DAW1: variants seen among roughly 807,000 people sequenced by gnomAD.
DAW1 encodes the protein dynein assembly factor with WD repeats 1, also known as dynein assembly factor with WD repeat domains 1.
DAW1 carries 47 observed loss-of-function variants against 56.5 expected under a neutral mutation model. The ratio of observed to expected loss-of-function variants is 0.83; its 90% CI spans 0.66 to 1.06. The LOEUF (loss-of-function observed/expected upper bound fraction) is 1.06, where lower values mean the gene tolerates loss of function less well. DAW1 is among the 50% of genes least tolerant of loss of function. The probability of loss-of-function intolerance (pLI) is 0.00; values close to 1 mark genes in which losing one functional copy is unlikely to be tolerated. For synonymous variants in DAW1, 190 were observed against 179.0 expected, an observed-to-expected ratio of 1.06 and a Z score of -0.49; for missense variants, 505 against 499.3, an observed-to-expected ratio of 1.01 and a Z score of -0.11.
intron 12 of DAW1, among the ~76,000 whole-genome samples, chr2:227,922,501 C>T (rs148057745): frequency 2.0e-5 from 3 of 152,182 alleles, no homozygotes; most frequent in African/African-American, 4.8e-5. Context: ...AGTAGGGCAC[C>T]CTAAGTGAGC....
chr2:227,906,428 A>G (rs889710307), intron 9 of DAW1, 90 bp downstream of exon 9: 8 of 870,792 alleles, frequency 9.2e-6, no homozygotes, highest in Non-Finnish European at 1.3e-5. Context: ...CAGATTTCAA[A>G]GATGATATAA....
At chr2:227,904,798 C>A (rs1211794907) in intron 7 of DAW1, 131 bp from the exon 8 acceptor site, 2 of 751,688 alleles carry the variant, frequency 2.7e-6, no homozygotes, top group African/African-American at 1.8e-5. Context: ...CCATCCTCAC[C>A]CCAGCCAACC....
At chr2:227,911,755 A>G (rs1168931570) in intron 10 of DAW1, among the ~76,000 whole-genome samples, 1 of 152,142 alleles carries the variant, frequency 6.6e-6, no homozygotes, top group Non-Finnish European at 1.5e-5. Context: ...CTTGATAACC[A>G]CATGTACTTT....
chr2:227,880,274 A>G (rs1434708395), intron 1 of DAW1, among the ~76,000 whole-genome samples: 1 of 152,070 alleles, frequency 6.6e-6, no homozygotes, highest in Non-Finnish European at 1.5e-5. Context: ...TTTTGTAAGC[A>G]CCTTAAATCT....
rs1024181711 is a variant in DAW1, at chr2:227,905,090, CCT to C, written c.755+58_755+59del. The C allele has an allele frequency of 4.7e-6, 7 of 1,485,768 alleles. No homozygotes were observed. The Admixed American group carries it at 9.8e-5, about 21-fold the overall frequency. The allele number at this position is 1,485,768 out of a possible 1,614,324, so 92.0% of individuals were successfully genotyped here. ...ACCTGGATCAGGGGGTTCAGAAAAC[CCT>C]CTGTTATTTTTTAGTTTAAGCTACT... is the stretch of plus-strand genomic sequence containing the variant. On this transcript the variant is annotated intron_variant, in intron 8 of 12. Transcript: ENST00000309931.
At chr2:227,908,581 A>G (rs11685422) in intron 10 of DAW1, among the ~76,000 whole-genome samples, 1 of 152,056 alleles carries the variant, frequency 6.6e-6, no homozygotes, top group Non-Finnish European at 1.5e-5. Context: ...TTGTGTCTGC[A>G]CTATTTCCCT....
At chr2:227,907,749 T>C (rs1011093321) in intron 10 of DAW1, among the ~76,000 whole-genome samples, 6 of 152,186 alleles carry the variant, frequency 3.9e-5, no homozygotes, top group Admixed American at 2.6e-4. Context: ...GGTTTCTCCA[T>C]GTTGGCCAGG....
At chr2:227,884,645 T>C (rs1373007269) in intron 1 of DAW1, among the ~76,000 whole-genome samples, 3 of 152,188 alleles carry the variant, frequency 2.0e-5, no homozygotes, top group Non-Finnish European at 4.4e-5. Flanking sequence ...CTGCTGTCAC[T>C]GAGTGGCCTT....
intron 2 of DAW1, 26 bp from the exon 3 acceptor site, chr2:227,889,830 G>T (rs776691817): frequency 9.8e-6 from 15 of 1,531,664 alleles, no homozygotes; most frequent in Non-Finnish European, 1.7e-6. Flanking sequence ...TAAAATAAAA[G>T]AAACTCTTTT....
At chr2:227,918,571 G>T (rs1166904930) in intron 10 of DAW1, among the ~76,000 whole-genome samples, 1 of 152,094 alleles carries the variant, frequency 6.6e-6, no homozygotes, top group Non-Finnish European at 1.5e-5. Flanking sequence ...TAAGCTCAGG[G>T]CTAAAGAGGA....
At chr2:227,892,481 A>G (rs973089147) in intron 4 of DAW1, among the ~76,000 whole-genome samples, 65 of 152,244 alleles carry the variant, frequency 4.3e-4, no homozygotes, top group African/African-American at 1.5e-3. Context: ...ATTTCCAAAT[A>G]CATTCACATT....
intron 1 of DAW1, among the ~76,000 whole-genome samples, chr2:227,883,585 C>T (rs1292755467): frequency 3.3e-5 from 5 of 152,136 alleles, no homozygotes; most frequent in Admixed American, 3.3e-4. Context: ...AAAAAATGTT[C>T]ACAATGATAT....
At position 227,923,979 on chromosome 2, in the gene DAW1, C is replaced by T. The variant is rs369722685; in HGVS notation, c.*11C>T. 3.1e-6 allele frequency: 5 copies of T among 1,613,910 alleles called. No individual in the cohort carries two copies. The highest frequency in any genetic ancestry group is 4.2e-6 in the Non-Finnish European group (5 of 1,179,942). ...AGGATATGGCGTTGACTGAAGGAAGCTGGTCAGTGAGCAACCTTGCTAGCA... is the reference window on the plus strand; with the variant it reads ...AGGATATGGCGTTGACTGAAGGAAGTTGGTCAGTGAGCAACCTTGCTAGCA... On this transcript the variant is annotated 3_prime_UTR_variant, in exon 13 of 13. Transcript: ENST00000309931.
intron 10 of DAW1, chr2:227,912,616 T>C (rs1691856327): frequency 6.1e-6 from 7 of 1,147,118 alleles, no homozygotes; most frequent in Non-Finnish European, 7.7e-6. Context: ...TCTGCTTCAT[T>C]TGTATTCTTC....
intron 7 of DAW1, among the ~76,000 whole-genome samples, chr2:227,904,122 C>A (rs139723299): frequency 6.6e-6 from 1 of 152,210 alleles, no homozygotes; most frequent in Admixed American, 6.5e-5. Flanking sequence ...AGGGGTCCTG[C>A]TTGGCACACC....
chr2:227,922,681 C>A (rs143776944), intron 12 of DAW1, among the ~76,000 whole-genome samples: 2 of 152,202 alleles, frequency 1.3e-5, no homozygotes, highest in South Asian at 4.1e-4. Context: ...ATTATCTCCC[C>A]TTACCACCTA....
chr2:227,893,939 T>C (rs1278528607), intron 5 of DAW1, 22 bp downstream of exon 5: 1 of 1,543,670 alleles, frequency 6.5e-7, no homozygotes, highest in African/African-American at 1.4e-5. Context: ...CCTTCACTTA[T>C]TTGTTTATTA....
chr2:227,908,478 TTTTATGATAC>T (rs1691738372), intron 10 of DAW1, among the ~76,000 whole-genome samples: 1 of 152,180 alleles, frequency 6.6e-6, no homozygotes, highest in African/African-American at 2.4e-5. Context: ...CTGGATAACA[TTTTATGATAC>T]TGAACAACAA....
chr2:227,910,877 A>C (rs1691798336), intron 10 of DAW1, among the ~76,000 whole-genome samples: 2 of 152,030 alleles, frequency 1.3e-5, no homozygotes, highest in Admixed American at 6.6e-5. Context: ...ATCTGTGTCG[A>C]ATCCATGGTA....
Sources: allele counts gnomAD v4.1 joint callset (sites outside exome capture counted in the v4.1 genomes callset), GRCh38; gene constraint gnomAD v4.1.1; transcripts MANE v1.5; gene names NCBI Gene and HGNC (gene_info 2026-07-23, HGNC 2026-07-21).